The following MAF variants were observed in gnomAD, a reference collection of about 807,000 sequenced individuals.
The protein encoded by MAF is MAF bZIP transcription factor, also known as transcription factor Maf.
A neutral mutation model predicts 22.0 loss-of-function variants in MAF; 10 were observed. The ratio of observed to expected loss-of-function variants is 0.45; its 90% confidence interval spans 0.28 to 0.77. MAF has a LOEUF of 0.77. Ranked by LOEUF, MAF falls within the 30% of genes least tolerant of loss-of-function variation. MAF has a pLI of 0.12. For synonymous variants in MAF, 337 were observed against 255.8 expected (o/e 1.32, Z -3.03); for missense variants, 544 against 548.4 (o/e 0.99, Z 0.08).
chr16:79,515,794 G>T, the MAF span, among the ~76,000 whole-genome samples: 2 of 152,062 alleles, frequency 1.3e-5, no homozygotes, highest in South Asian at 4.2e-4. Context: ...AAGGAGGTCT[G>T]AGATCCAGTG....
the MAF span, among the ~76,000 whole-genome samples, chr16:79,272,565 T>C: frequency 6.6e-6 from 1 of 152,222 alleles, no homozygotes; most frequent in African/African-American, 2.4e-5. Context: ...CTTTCATTTG[T>C]GACCACGTGG....
chr16:79,598,809 T>C lies in MAF; in HGVS notation c.1094A>G (p.Asn365Ser). ...CATGAAAAACTCGGGAGAGGACGGG[T>C]TGTCGCTGCTCGAGCCGTTTTCTCG... ...GFRENGSSSD[N>S]PSSPEFFITE... Residue 365 changes from asparagine (N) to serine (S), a missense_variant, in exon 1 of 2, where the codon AAC (asparagine) becomes AGC (serine). Around this residue, in one of 5 missense-constraint regions of MAF, gnomAD observed 129 missense variants for 113.6 expected, o/e 1.14. Coordinates refer to ENST00000326043, the MANE Select transcript of MAF (RefSeq NM_005360.5). 1 of 1,613,548 alleles carries C rather than the reference T, an allele frequency of 6.2e-7. No individual in the cohort carries two copies. Among genetic ancestry groups the C allele is most frequent in the Non-Finnish European group, 8.5e-7 (1 of 1,179,918 alleles).
chr16:79,494,421 A>G, the MAF span, among the ~76,000 whole-genome samples: 1 of 152,150 alleles, frequency 6.6e-6, no homozygotes, highest in African/African-American at 2.4e-5. Context: ...AAAGCTTCCT[A>G]TATCTCAGAA....
At chr16:79,283,842 A>G in the MAF span, among the ~76,000 whole-genome samples, 1 of 152,020 alleles carries the variant, frequency 6.6e-6, no homozygotes, top group Non-Finnish European at 1.5e-5. Context: ...AACTTTCACC[A>G]AGCTGCTTGG....
At chr16:79,217,986 T>TAA in the MAF span, among the ~76,000 whole-genome samples, 303 of 52,122 alleles carry the variant, frequency 5.8e-3, 9 homozygotes, top group East Asian at 0.018. Context: ...GAAGCTTATG[T>TAA]AAAAAAAAAA....
the MAF span, among the ~76,000 whole-genome samples, chr16:79,350,655 C>T: frequency 1.8e-3 from 278 of 152,266 alleles, 5 homozygotes; most frequent in African/African-American, 6.3e-3. Context: ...AGAGGGTTCC[C>T]AGGACCCAGT....
chr16:79,373,934 G>C, the MAF span, among the ~76,000 whole-genome samples: 14 of 152,130 alleles, frequency 9.2e-5, no homozygotes, highest in African/African-American at 3.4e-4. Flanking sequence ...ATAAATAACT[G>C]AATAAATTAG....
chr16:79,418,213 G>C, the MAF span, among the ~76,000 whole-genome samples: 3 of 152,024 alleles, frequency 2.0e-5, no homozygotes, highest in Non-Finnish European at 4.4e-5. Context: ...CCATCTTCTC[G>C]TGTCTCCTTT....
At chr16:79,229,516 G>C in the MAF span, 1 of 152,110 alleles carries the variant, frequency 6.6e-6, no homozygotes, top group Non-Finnish European at 1.5e-5. Context: ...ACTCATAAAA[G>C]TGTCAGAACA....
the MAF span, among the ~76,000 whole-genome samples, chr16:79,281,617 C>T: frequency 1.3e-4 from 19 of 145,326 alleles, no homozygotes; most frequent in South Asian, 1.3e-3. Flanking sequence ...GGCGCCATCT[C>T]GGCTCACTGC....
At chr16:79,319,648 A>G in the MAF span, among the ~76,000 whole-genome samples, 1 of 152,112 alleles carries the variant, frequency 6.6e-6, no homozygotes, top group Admixed American at 6.5e-5. Context: ...AAACTATTCT[A>G]CTTATTTCTC....
At chr16:79,450,837 AT>A in the MAF span, among the ~76,000 whole-genome samples, 2,661 of 150,336 alleles carry the variant, frequency 0.018, 71 homozygotes, top group African/African-American at 0.06. Context: ...ACATTTTTAC[AT>A]TTTTTTTTTC....
chr16:79,333,053 A>G, the MAF span, among the ~76,000 whole-genome samples: 1 of 152,198 alleles, frequency 6.6e-6, no homozygotes, highest in Non-Finnish European at 1.5e-5. Flanking sequence ...TGAGTCAGGA[A>G]TAGCCTGAAG....
At chr16:79,292,828 A>G in the MAF span, among the ~76,000 whole-genome samples, 22 of 152,332 alleles carry the variant, frequency 1.4e-4, no homozygotes, top group East Asian at 3.7e-3. Flanking sequence ...TGCTCATTAT[A>G]TGCCAATTAT....
At chr16:79,418,301 G>A in the MAF span, among the ~76,000 whole-genome samples, 6 of 151,960 alleles carry the variant, frequency 3.9e-5, no homozygotes, top group South Asian at 8.3e-4. Flanking sequence ...GACAGTTTTC[G>A]GGCTGGGGCC....
the MAF span, among the ~76,000 whole-genome samples, chr16:79,228,494 A>G: frequency 6.6e-6 from 1 of 152,020 alleles, no homozygotes; most frequent in East Asian, 1.9e-4. Flanking sequence ...TGGATAGGAA[A>G]GCTTCACAAA....
At chr16:79,415,266 CAAGG>C in the MAF span, among the ~76,000 whole-genome samples, 6 of 106,356 alleles carry the variant, frequency 5.6e-5, no homozygotes, top group Non-Finnish European at 7.3e-5. Context: ...AAGGAAAGAA[CAAGG>C]AAGGAAGGAA....
the MAF span, among the ~76,000 whole-genome samples, chr16:79,527,455 C>T: frequency 6.6e-6 from 1 of 152,148 alleles, no homozygotes; most frequent in African/African-American, 2.4e-5. Flanking sequence ...AGGATAAATT[C>T]CCACTAGAGA....
the MAF span, among the ~76,000 whole-genome samples, chr16:79,297,202 C>G: frequency 6.6e-6 from 1 of 152,158 alleles, no homozygotes; most frequent in East Asian, 1.9e-4. Flanking sequence ...TATGGGGTAG[C>G]AAAGGGGATC....
Sources: allele counts gnomAD v4.1 joint callset (sites outside exome capture counted in the v4.1 genomes callset), GRCh38; gene constraint gnomAD v4.1.1; regional missense constraint gnomAD v4.1.1; transcripts MANE v1.5; gene names NCBI Gene and HGNC (gene_info 2026-07-23, HGNC 2026-07-21).